The following SH3RF3 variants were observed in gnomAD, a reference collection of about 807,000 sequenced individuals.
The protein encoded by SH3RF3 is SH3 domain containing ring finger 3.
SH3RF3 carries 29 observed loss-of-function variants against 66.3 expected under a neutral mutation model. That is an observed-to-expected ratio of 0.44 (90% confidence interval 0.33 to 0.60). The LOEUF (loss-of-function observed/expected upper bound fraction) is 0.60, where lower values mean the gene tolerates loss of function less well. Ranked by LOEUF, SH3RF3 falls within the 20% of genes least tolerant of loss-of-function variation. The pLI is 0.04. For missense variants in SH3RF3, 1,194 were observed against 1,190.9 expected, an observed-to-expected ratio of 1.00 and a Z score of -0.04; for synonymous variants, 583 against 532.0, an observed-to-expected ratio of 1.10 and a Z score of -1.32.
rs574144015 is a variant in SH3RF3, at chr2:109,146,497, A to G, written c.573+16384A>G. On this transcript the variant is annotated intron_variant, in intron 1 of 9. Transcript: ENST00000309415. ...AGCTCATGGGTCCTGTGAATGTTCA[A>G]TGGCAGGAGGAAGGGCACTTCCTAG... is the stretch of plus-strand genomic sequence containing the variant. 3.9e-5 allele frequency among the ~76,000 whole-genome samples: 6 copies of G among 152,202 alleles called. No individual in the cohort carries two copies. The East Asian group carries it at 1.2e-3, about 30-fold the overall frequency.
intron 1 of SH3RF3, among the ~76,000 whole-genome samples, chr2:109,140,526 G>A (rs1419609361): frequency 5.9e-5 from 9 of 151,926 alleles, no homozygotes; most frequent in African/African-American, 9.7e-5. Context: ...GACTACAGGC[G>A]CCCACCACCA....
intron 1 of SH3RF3, among the ~76,000 whole-genome samples, chr2:109,275,575 A>T (rs538317828): frequency 1.1e-4 from 16 of 152,290 alleles, no homozygotes; most frequent in Middle Eastern, 3.4e-3. Context: ...GAGCACTCAA[A>T]AGAGTGCCCC....
intron 1 of SH3RF3, among the ~76,000 whole-genome samples, chr2:109,172,667 T>C (rs146059548): frequency 6.6e-6 from 1 of 152,332 alleles, no homozygotes; most frequent in Non-Finnish European, 1.5e-5. Context: ...TGGGATCTGA[T>C]ACTGCTGGGC....
intron 9 of SH3RF3, among the ~76,000 whole-genome samples, chr2:109,493,349 TACAA>T (rs1431762156): frequency 0.26 from 38,294 of 147,214 alleles, 5,148 homozygotes; most frequent in East Asian, 0.51. Context: ...ACATACGTCA[TACAA>T]ACAGACACAT....
Position 109,316,733 on chromosome 2 carries a change from G to A in SH3RF3, c.574-30941G>A, listed in dbSNP as rs142066474. Reference sequence around the variant, plus strand: ...ACGGGTTTGGACAAATCTATAATGCGATGTATCCACCATTAGAGTTTCACA... The same window carrying A: ...ACGGGTTTGGACAAATCTATAATGCAATGTATCCACCATTAGAGTTTCACA... On this transcript the variant is annotated intron_variant, in intron 1 of 9. Coordinates refer to ENST00000309415, the MANE Select transcript of SH3RF3 (RefSeq NM_001099289.3). 5.3e-5 allele frequency among the ~76,000 whole-genome samples: 8 copies of A among 152,248 alleles called. No individual in the cohort carries two copies. In the East Asian group the frequency reaches 1.2e-3, roughly 22 times the overall value.
At position 109,129,689 on chromosome 2, in the gene SH3RF3, C is replaced by G; in HGVS notation, c.149C>G (p.Ser50Trp). The part of the protein sequence containing the change: ...AGAGEDMDES[S>W]LLDLLECSVC... ...GCGGGCGAGGACATGGACGAGTCGT[C>G]GCTGCTGGACCTGCTGGAGTGCTCC... The change falls in exon 1 of 10, where the codon TCG becomes TGG. Residue 50 changes from serine to tryptophan, a missense_variant. Physicochemically the swap from Ser to Trp is radical, Grantham distance 177 (BLOSUM62 -3). Coordinates refer to ENST00000309415, the MANE Select transcript of SH3RF3 (RefSeq NM_001099289.3). 1 of 1,526,042 alleles carries G rather than the reference C, an allele frequency of 6.6e-7. No individual in the cohort carries two copies. Among genetic ancestry groups the G allele is most frequent in the Non-Finnish European group, 8.8e-7 (1 of 1,141,530 alleles). The allele number at this position is 1,526,042 out of a possible 1,614,324, so 94.5% of individuals were successfully genotyped here. A position where few individuals can be genotyped will look rare whatever the true frequency, so the allele number is the denominator to read the frequency against.
chr2:109,292,646 C>T (rs1681214914), intron 1 of SH3RF3, among the ~76,000 whole-genome samples: 2 of 152,354 alleles, frequency 1.3e-5, no homozygotes, highest in Middle Eastern at 3.4e-3. Context: ...TCTATAGACT[C>T]TGCCTAGAAA....
At chr2:109,315,244 T>C (rs1187063014) in intron 1 of SH3RF3, among the ~76,000 whole-genome samples, 4 of 152,210 alleles carry the variant, frequency 2.6e-5, no homozygotes, top group Non-Finnish European at 1.5e-5. Flanking sequence ...AGTCTCTCCA[T>C]AGTAAGGCAG....
intron 1 of SH3RF3, among the ~76,000 whole-genome samples, chr2:109,230,205 A>G (rs1679472529): frequency 6.6e-6 from 1 of 152,082 alleles, no homozygotes; most frequent in Admixed American, 6.5e-5. Context: ...AAATACGGAC[A>G]TTCCTCAACT....
intron 4 of SH3RF3, among the ~76,000 whole-genome samples, chr2:109,410,245 T>A (rs1676553732): frequency 6.6e-6 from 1 of 152,188 alleles, no homozygotes; most frequent in Non-Finnish European, 1.5e-5. Flanking sequence ...ATGAAACACA[T>A]CGCCGTCACA....
At chr2:109,284,816 TGTGTGTGGG>T (rs1429091920) in intron 1 of SH3RF3, among the ~76,000 whole-genome samples, 5 of 143,616 alleles carry the variant, frequency 3.5e-5, no homozygotes, top group African/African-American at 1.5e-4. Context: ...TCAGATGACA[TGTGTGTGGG>T]GTGTGTGTGT....
chr2:109,281,816 G>A (rs1481255968), intron 1 of SH3RF3, among the ~76,000 whole-genome samples: 4 of 152,148 alleles, frequency 2.6e-5, no homozygotes, highest in Admixed American at 1.3e-4. Context: ...TCGGGGGCAC[G>A]CTGACCATGG....
intron 1 of SH3RF3, among the ~76,000 whole-genome samples, chr2:109,209,606 C>G (rs1362655383): frequency 6.6e-6 from 1 of 152,174 alleles, no homozygotes; most frequent in Non-Finnish European, 1.5e-5. Flanking sequence ...TATCCACTCC[C>G]TGCTGTGTAG....
rs116956636 is a variant in SH3RF3, at chr2:109,356,610, G to T, written c.849+8661G>T. Among the ~76,000 whole-genome samples the T allele has an allele frequency of 6.4e-3, 969 of 152,290 alleles. 10 individuals carry two copies. The highest frequency in any genetic ancestry group is 0.048 in the East Asian group (250 of 5,180). ...TCCTCAGCCAAAGGCCCATCCCAGG[G>T]CTTGGCACTTAGGAGATGCTTGAAT... On this transcript the variant is annotated intron_variant, in intron 2 of 9. Coordinates refer to ENST00000309415, the MANE Select transcript of SH3RF3 (RefSeq NM_001099289.3).
intron 1 of SH3RF3, among the ~76,000 whole-genome samples, chr2:109,210,407 G>A (rs1263897776): frequency 6.6e-6 from 1 of 152,202 alleles, no homozygotes; most frequent in African/African-American, 2.4e-5. Context: ...CCCTCGTTTT[G>A]TCTGTAGGCA....
intron 1 of SH3RF3, among the ~76,000 whole-genome samples, chr2:109,315,202 C>G (rs1209879790): frequency 6.6e-6 from 1 of 152,214 alleles, no homozygotes; most frequent in Admixed American, 6.5e-5. Flanking sequence ...TCCCCCTTGT[C>G]AAGTGTGAGT....
rs570032865 is a variant in SH3RF3 at position 109,248,805 on chromosome 2, T to C, written c.574-98869T>C. Among the ~76,000 whole-genome samples, 161 of 151,786 alleles carry C rather than the reference T, an allele frequency of 1.1e-3. 1 individual carries two copies. The highest frequency in any genetic ancestry group is 3.7e-3 in the African/African-American group (152 of 41,244). On this transcript the variant is annotated intron_variant, in intron 1 of 9. Transcript: ENST00000309415. Reference sequence around the variant, plus strand: ...TCTGTCTTTCTCTTTCTGTCTCTCTTTCTCTTTCGTTTTCTCTCTTTCTCT... The same window carrying C: ...TCTGTCTTTCTCTTTCTGTCTCTCTCTCTCTTTCGTTTTCTCTCTTTCTCT...
At chr2:109,222,741 C>T (rs144392689) in intron 1 of SH3RF3, among the ~76,000 whole-genome samples, 79 of 152,366 alleles carry the variant, frequency 5.2e-4, no homozygotes, top group African/African-American at 1.8e-3. Flanking sequence ...CACTGACATC[C>T]AGTGTTTCTG....
chr2:109,479,377 C>T (rs1678773684), intron 8 of SH3RF3, among the ~76,000 whole-genome samples: 1 of 152,168 alleles, frequency 6.6e-6, no homozygotes, highest in South Asian at 2.1e-4. Flanking sequence ...TACAATTTGC[C>T]ACATGATCTA....
Sources: allele counts gnomAD v4.1 joint callset (sites outside exome capture counted in the v4.1 genomes callset), GRCh38; gene constraint gnomAD v4.1.1; transcripts MANE v1.5; gene names NCBI Gene and HGNC (gene_info 2026-07-23, HGNC 2026-07-21).